The following DOCK7 variants were observed in gnomAD, a reference collection of about 807,000 sequenced individuals.
The protein encoded by DOCK7 is dedicator of cytokinesis 7, also known as dedicator of cytokinesis protein 7.
In DOCK7, 138 loss-of-function variants were observed where a neutral mutation model predicts 271.0. That is an observed-to-expected ratio of 0.51 (90% CI 0.44 to 0.59). The LOEUF (loss-of-function observed/expected upper bound fraction) is 0.59, where lower values mean the gene tolerates loss of function less well. Ranked by LOEUF, DOCK7 falls within the 20% of genes least tolerant of loss-of-function variation. DOCK7 has a pLI of 0.00. For synonymous variants in DOCK7, 823 were observed against 876.1 expected, an observed-to-expected ratio of 0.94 and a Z score of 1.07; for missense variants, 2,066 against 2,592.4, an observed-to-expected ratio of 0.80 and a Z score of 4.41.
chr1:62,630,878 A>T (rs2149621281), intron 11 of DOCK7, among the ~76,000 whole-genome samples: 1 of 152,262 alleles, frequency 6.6e-6, no homozygotes, highest in South Asian at 2.1e-4. Flanking sequence ...TCTACAAATG[A>T]AACAAGCTTA....
chr1:62,507,233 T>C (rs528169109), intron 35 of DOCK7, among the ~76,000 whole-genome samples: 4 of 152,254 alleles, frequency 2.6e-5, no homozygotes, highest in Admixed American at 6.5e-5. Context: ...GGCAGAGTAG[T>C]GGTAGTAGAA....
At chr1:62,604,657 G>A (rs773471620) in intron 14 of DOCK7, 2 of 1,613,168 alleles carry the variant, frequency 1.2e-6, no homozygotes, top group East Asian at 4.5e-5. Flanking sequence ...CATGATGAGT[G>A]TGGAGAAAAC....
chr1:62,571,651 C>A (rs1646784094), intron 18 of DOCK7, among the ~76,000 whole-genome samples: 1 of 152,104 alleles, frequency 6.6e-6, no homozygotes, highest in South Asian at 2.1e-4. Context: ...TTGAATCAAC[C>A]CAAATGCCCA....
intron 7 of DOCK7, among the ~76,000 whole-genome samples, chr1:62,640,730 C>T (rs1655919959): frequency 6.6e-6 from 1 of 152,114 alleles, no homozygotes; most frequent in Admixed American, 6.5e-5. Flanking sequence ...CACATTCTAG[C>T]AGCTACAGAG....
chr1:62,606,674 C>T lies in DOCK7; in HGVS notation c.1682+12032G>A, dbSNP rs1036785959. On this transcript the variant is annotated intron_variant, in intron 14 of 49. Transcript: ENST00000635253. Reference sequence around the variant, plus strand: ...CCATGGATTATCCCTTATCTGAATCCATCTTTATAACCCTATTCCTTTCTC... The same window carrying T: ...CCATGGATTATCCCTTATCTGAATCTATCTTTATAACCCTATTCCTTTCTC... Among the ~76,000 whole-genome samples, 49 of 151,888 alleles carry T rather than the reference C, an allele frequency of 3.2e-4. 1 individual carries two copies. The highest frequency in any genetic ancestry group is 1.2e-3 in the African/African-American group (48 of 41,350).
At position 62,622,066 on chromosome 1, in the gene DOCK7, T is replaced by C. The variant is rs142206879; in HGVS notation, c.1426-2073A>G. Among the ~76,000 whole-genome samples the C allele has an allele frequency of 3.8e-3, 586 of 152,320 alleles. 6 individuals are homozygous for C. The highest frequency in any genetic ancestry group is 0.013 in the African/African-American group (531 of 41,580). Reference sequence around the variant, plus strand: ...AAGCAAACATGATGCAAACAGAGGCTTGAAAAACATTTGCACAATTTAGTT... The same window carrying C: ...AAGCAAACATGATGCAAACAGAGGCCTGAAAAACATTTGCACAATTTAGTT... On this transcript the variant is annotated intron_variant, in intron 12 of 49. Transcript: ENST00000635253.
chr1:62,567,701 A>C lies in DOCK7; in HGVS notation c.2113-5998T>G, dbSNP rs185307019. Among the ~76,000 whole-genome samples, 12 of 152,288 alleles carry C rather than the reference A, an allele frequency of 7.9e-5. No individual in the cohort carries two copies. In the East Asian group the frequency reaches 2.1e-3, roughly 27 times the overall value. On this transcript the variant is annotated intron_variant, in intron 18 of 49. Transcript: ENST00000635253. ...CCCCAGAACTTAAAGTATCATAAAA[A>C]TAAATAAATAAAAAGAAATTCAACA...
At chr1:62,598,838 T>C (rs1377195735) in intron 14 of DOCK7, 1 of 1,302,034 alleles carries the variant, frequency 7.7e-7, no homozygotes, top group Non-Finnish European at 1.1e-6. Context: ...ATGTCCCATC[T>C]TTCACACAGG....
intron 14 of DOCK7, chr1:62,603,848 T>A: frequency 1.1e-6 from 1 of 906,216 alleles, no homozygotes; most frequent in Non-Finnish European, 1.7e-6. Flanking sequence ...TACACTAAAA[T>A]GATCAAGGGA....
chr1:62,501,214 A>G (rs1646774230), intron 37 of DOCK7, among the ~76,000 whole-genome samples: 1 of 152,098 alleles, frequency 6.6e-6, no homozygotes, highest in Non-Finnish European at 1.5e-5. Flanking sequence ...CTTGGAGAAT[A>G]TTACTCCTAA....
At chr1:62,594,842 C>T (rs1460167860) in intron 14 of DOCK7, among the ~76,000 whole-genome samples, 2 of 152,120 alleles carry the variant, frequency 1.3e-5, no homozygotes, top group Non-Finnish European at 2.9e-5. Flanking sequence ...CATCTATATT[C>T]TCCCTCAACT....
intron 1 of DOCK7, among the ~76,000 whole-genome samples, chr1:62,672,291 A>G: frequency 6.6e-6 from 1 of 152,282 alleles, no homozygotes; most frequent in South Asian, 2.1e-4. Flanking sequence ...AAATCTTTCC[A>G]TATTGGCACA....
chr1:62,513,466 C>A lies in DOCK7; in HGVS notation c.4260G>T (p.Thr1420=), dbSNP rs754604342. 1.2e-6 allele frequency: 2 copies of A among 1,608,108 alleles called. No individual in the cohort carries two copies. Among genetic ancestry groups the A allele is most frequent in the East Asian group, 4.5e-5 (2 of 44,852 alleles). ...MVRRSRGQLG[T]YTIASPPERS... ...CACCAGGAGGAGAAGCTATTGTGTA[C>A]GTACCGAGCTGTCCTCGGCTTCGCC... Residue 1420 remains threonine, a synonymous_variant, in exon 33 of 50, where the codon ACG becomes ACT. Coordinates refer to ENST00000635253, the MANE Select transcript of DOCK7 (RefSeq NM_001367561.1).
intron 48 of DOCK7, among the ~76,000 whole-genome samples, chr1:62,468,283 C>T (rs1266177694): frequency 2.7e-5 from 4 of 150,920 alleles, no homozygotes; most frequent in Non-Finnish European, 5.9e-5. Context: ...ATCGCTTGAA[C>T]CCGGGAGGCA....
chr1:62,521,148 T>C (rs1218363769), intron 31 of DOCK7, among the ~76,000 whole-genome samples: 1 of 152,002 alleles, frequency 6.6e-6, no homozygotes, highest in Non-Finnish European at 1.5e-5. Flanking sequence ...AAATACCTAA[T>C]GTAATTGATG....
chr1:62,560,558 C>T (rs1646289792), intron 19 of DOCK7, among the ~76,000 whole-genome samples: 1 of 152,166 alleles, frequency 6.6e-6, no homozygotes, highest in Admixed American at 6.5e-5. Context: ...TACCATCCAC[C>T]TGGACTCTAT....
intron 1 of DOCK7, among the ~76,000 whole-genome samples, chr1:62,665,604 C>T (rs961021891): frequency 4.1e-5 from 6 of 145,950 alleles, no homozygotes; most frequent in African/African-American, 1.5e-4. Flanking sequence ...ACTTGGGAGG[C>T]TGAGGCAGGA....
chr1:62,464,867 G>A (rs1344850381), intron 48 of DOCK7, among the ~76,000 whole-genome samples: 1 of 152,080 alleles, frequency 6.6e-6, no homozygotes, highest in African/African-American at 2.4e-5. Flanking sequence ...TAACTCTTTG[G>A]AGATTTGCGA....
At position 62,459,405 on chromosome 1, in the gene DOCK7, T is replaced by C. The variant is rs1645445918; in HGVS notation, c.6213-1700A>G. 2.0e-5 allele frequency among the ~76,000 whole-genome samples: 3 copies of C among 152,086 alleles called. No individual in the cohort carries two copies. The South Asian group carries it at 6.2e-4, about 32-fold the overall frequency. ...ACAGGCTCACATCGCCACACCTGGC[T>C]AGTTTTTGTATTTTTAGTAGACATG... is the stretch of plus-strand genomic sequence containing the variant. On this transcript the variant is annotated intron_variant, in intron 48 of 49. Coordinates refer to ENST00000635253, the MANE Select transcript of DOCK7 (RefSeq NM_001367561.1).
Sources: gnomAD v4.1 joint callset for allele counts (sites outside exome capture counted in the v4.1 genomes callset) on GRCh38, gnomAD v4.1.1 for gene constraint, MANE v1.5 for transcripts, NCBI Gene and HGNC (gene_info 2026-07-23, HGNC 2026-07-21) for gene names.